DNAH6: variants seen among roughly 807,000 people sequenced by gnomAD.
DNAH6 encodes the protein dynein axonemal heavy chain 6.
DNAH6 carries 340 observed loss-of-function variants against 491.4 expected under a neutral mutation model. That is an observed-to-expected ratio of 0.69 (90% CI 0.63 to 0.76). The LOEUF is 0.76. Ranked by LOEUF, DNAH6 falls within the 30% of genes least tolerant of loss-of-function variation. DNAH6 has a pLI of 0.00. For synonymous variants in DNAH6, 1,603 were observed against 1,686.1 expected (o/e 0.95, Z 1.21); for missense variants, 4,443 against 4,972.2 (o/e 0.89, Z 3.20).
At chr2:84,482,517 G>T in the DNAH6 span, among the ~76,000 whole-genome samples, 18 of 152,206 alleles carry the variant, frequency 1.2e-4, no homozygotes, top group African/African-American at 4.3e-4. Context: ...AATGCAAACT[G>T]CTCCCTTCTA....
At chr2:84,776,694 G>A (rs142336752) in intron 64 of DNAH6, among the ~76,000 whole-genome samples, 222 of 152,282 alleles carry the variant, frequency 1.5e-3, no homozygotes, top group African/African-American at 5.1e-3. Context: ...AGCACCTGTT[G>A]TTTCCTGACT....
At chr2:84,709,620 GTGGGCCTCAA>G in intron 55 of DNAH6, 74 bp downstream of exon 55, 1 of 1,483,394 alleles carries the variant, frequency 6.7e-7, no homozygotes, top group Non-Finnish European at 9.2e-7. Flanking sequence ...AATTATAAAA[GTGGGCCTCAA>G]TGTACTTGGA....
intron 22 of DNAH6, among the ~76,000 whole-genome samples, chr2:84,612,762 A>G (rs983071920): frequency 6.6e-6 from 1 of 151,960 alleles, no homozygotes; most frequent in Non-Finnish European, 1.5e-5. Flanking sequence ...AGTCCACCAG[A>G]CAATCCAGGA....
intron 33 of DNAH6, 110 bp downstream of exon 33, chr2:84,642,164 T>A: frequency 1.3e-6 from 1 of 751,524 alleles, no homozygotes; most frequent in Non-Finnish European, 2.2e-6. Flanking sequence ...TCCTATCTTT[T>A]CTGGAGAAAC....
intron 19 of DNAH6, among the ~76,000 whole-genome samples, 198 bp from the exon 20 acceptor site, chr2:84,605,302 G>A (rs1021994930): frequency 2.7e-5 from 4 of 146,912 alleles, no homozygotes; most frequent in African/African-American, 5.2e-5. Context: ...GCAGTGAGCC[G>A]AGGTTACACC....
chr2:84,817,863 C>T lies in DNAH6; in HGVS notation c.12374-1442C>T, dbSNP rs914245414. Among the ~76,000 whole-genome samples the T allele has an allele frequency of 3.3e-5, 5 of 152,046 alleles. No homozygotes were observed. The South Asian group carries it at 1.0e-3, about 32-fold the overall frequency. ...GCCAGACTCTTTAACAAGCAGCTCT[C>T]GCAAGAACTAATAAAGTGACAGCTC... On this transcript the variant is annotated intron_variant, in intron 76 of 76. Transcript: ENST00000389394.
At chr2:84,817,981 G>T (rs1680656582) in intron 76 of DNAH6, among the ~76,000 whole-genome samples, 1 of 152,120 alleles carries the variant, frequency 6.6e-6, no homozygotes. Context: ...CAACATTGGG[G>T]ATCAAATTTC....
chr2:84,489,047 G>T, the DNAH6 span, among the ~76,000 whole-genome samples: 1 of 152,156 alleles, frequency 6.6e-6, no homozygotes, highest in Non-Finnish European at 1.5e-5. Flanking sequence ...TCTCAAATAG[G>T]TCTGAAATCA....
chr2:84,469,298 C>G, the DNAH6 span, among the ~76,000 whole-genome samples: 3 of 152,076 alleles, frequency 2.0e-5, no homozygotes, highest in Non-Finnish European at 4.4e-5. The surrounding 1 kb of genome is among the most constrained non-coding windows in gnomAD (Gnocchi z 4.0). Flanking sequence ...GCTTGTTGCA[C>G]CATCACCCTG....
chr2:84,584,355 A>G, intron 15 of DNAH6, 105 bp downstream of exon 15: 1 of 1,152,768 alleles, frequency 8.7e-7, no homozygotes, highest in African/African-American at 1.6e-5. Flanking sequence ...TATTTACAAT[A>G]TATAATGTGA....
intron 2 of DNAH6, among the ~76,000 whole-genome samples, chr2:84,525,214 C>T (rs1222738304): frequency 6.6e-6 from 1 of 151,976 alleles, no homozygotes; most frequent in Non-Finnish European, 1.5e-5. Flanking sequence ...TGGGAGAATT[C>T]TGCACTTCTT....
chr2:84,566,740 C>T (rs1322626658), intron 11 of DNAH6, among the ~76,000 whole-genome samples: 2 of 151,756 alleles, frequency 1.3e-5, no homozygotes, highest in Non-Finnish European at 2.9e-5. Context: ...CTATACTGCC[C>T]AAATATTTAA....
At chr2:84,567,485 T>G (rs1681331196) in intron 11 of DNAH6, among the ~76,000 whole-genome samples, 1 of 151,758 alleles carries the variant, frequency 6.6e-6, no homozygotes, top group Admixed American at 6.6e-5. Flanking sequence ...AATAGAGATC[T>G]CAGAAATTAA....
intron 62 of DNAH6, among the ~76,000 whole-genome samples, chr2:84,743,840 A>G (rs1049341876): frequency 6.6e-6 from 1 of 152,216 alleles, no homozygotes; most frequent in Non-Finnish European, 1.5e-5. Context: ...TAAATAAATA[A>G]TGCATTATTA....
intron 22 of DNAH6, among the ~76,000 whole-genome samples, chr2:84,613,393 C>T (rs1280710912): frequency 6.6e-6 from 1 of 152,076 alleles, no homozygotes; most frequent in Non-Finnish European, 1.5e-5. Flanking sequence ...GCAAGAGAGG[C>T]AAGAGTGCTT....
chr2:84,654,155 T>C (rs1690728344), intron 34 of DNAH6, among the ~76,000 whole-genome samples: 2 of 151,934 alleles, frequency 1.3e-5, no homozygotes, highest in Admixed American at 6.6e-5. Flanking sequence ...GAGAGAGAGC[T>C]TTGTATCATT....
At chr2:84,534,300 A>G (rs1259174904) in intron 4 of DNAH6, among the ~76,000 whole-genome samples, 1 of 152,068 alleles carries the variant, frequency 6.6e-6, no homozygotes, top group African/African-American at 2.4e-5. Flanking sequence ...GAAATTTACC[A>G]TGGGTGAAAT....
chr2:84,568,991 G>T (rs940175692), intron 11 of DNAH6, among the ~76,000 whole-genome samples: 11 of 152,124 alleles, frequency 7.2e-5, no homozygotes, highest in African/African-American at 2.7e-4. Context: ...AACTATACAT[G>T]CATTTACCTT....
chr2:84,714,543 T>C (rs1697344121), intron 57 of DNAH6, among the ~76,000 whole-genome samples: 1 of 152,100 alleles, frequency 6.6e-6, no homozygotes, highest in Non-Finnish European at 1.5e-5. Flanking sequence ...TATATAATAG[T>C]GCAACAGGGC....
Sources: gnomAD v4.1 joint callset for allele counts (sites outside exome capture counted in the v4.1 genomes callset) on GRCh38, gnomAD v4.1.1 for gene constraint, Gnocchi (gnomAD v3.1) non-coding constraint, MANE v1.5 for transcripts, NCBI Gene and HGNC (gene_info 2026-07-23, HGNC 2026-07-21) for gene names.